BIN3: variants seen among roughly 807,000 people sequenced by gnomAD.
The protein encoded by BIN3 is bridging integrator 3.
In BIN3, 41 loss-of-function variants were observed where a neutral mutation model predicts 38.2. That is an observed-to-expected ratio of 1.07 (90% CI 0.84 to 1.39). The LOEUF is 1.39. Among genes scored for constraint, BIN3 ranks in the 40% most tolerant of loss-of-function variants. The probability of loss-of-function intolerance (pLI) is 0.00; values close to 1 mark genes in which losing one functional copy is unlikely to be tolerated. For missense variants in BIN3, 361 were observed against 324.3 expected (o/e 1.11, Z -0.87); for synonymous variants, 145 against 122.6 (o/e 1.18, Z -1.21).
At chr8:22,626,068 C>T (rs1322484801) in intron 6 of BIN3, 1 of 152,482 alleles carries the variant, frequency 6.6e-6, no homozygotes, top group Non-Finnish European at 1.5e-5. Flanking sequence ...AATCCTCTAC[C>T]TCAACAGTGT....
At chr8:22,631,500 T>C (rs1802201522) in intron 4 of BIN3, among the ~76,000 whole-genome samples, 1 of 152,148 alleles carries the variant, frequency 6.6e-6, no homozygotes, top group Admixed American at 6.5e-5. Context: ...GGAAATGTAG[T>C]TTGGTTCCAT....
At chr8:22,626,160 A>C (rs1801997528) in intron 6 of BIN3, 2 of 152,318 alleles carry the variant, frequency 1.3e-5, no homozygotes, top group African/African-American at 4.8e-5. Context: ...GTGCCCTTAG[A>C]CATAGTAATC....
intron 1 of BIN3, among the ~76,000 whole-genome samples, chr8:22,652,155 G>A (rs183269512): frequency 6.6e-6 from 1 of 151,898 alleles, no homozygotes; most frequent in East Asian, 1.9e-4. Flanking sequence ...TCCCTTTATA[G>A]TTTCAGTTTT....
chr8:22,639,548 C>T (rs569179250), intron 2 of BIN3, among the ~76,000 whole-genome samples: 1 of 152,106 alleles, frequency 6.6e-6, no homozygotes, highest in Non-Finnish European at 1.5e-5. Context: ...AGGTGGCTTA[C>T]GAGGAAATAG....
In BIN3 at chr8:22,641,884, G is replaced by A. The variant is rs117611662; in HGVS notation, c.57+2871C>T. Among the ~76,000 whole-genome samples, 987 of 152,192 alleles carry A rather than the reference G, an allele frequency of 6.5e-3. 7 individuals carry two copies. The highest frequency in any genetic ancestry group is 0.027 in the Middle Eastern group (8 of 294). On this transcript the variant is annotated intron_variant, in intron 2 of 8. Transcript: ENST00000276416. ...GGAAGGTGTGGCGGCTTCTTCCTAC[G>A]CTACGATGCTCCCGCCACTTTATGG...
chr8:22,645,232 C>A (rs1399928778), intron 1 of BIN3, among the ~76,000 whole-genome samples: 4 of 151,706 alleles, frequency 2.6e-5, no homozygotes, highest in African/African-American at 7.3e-5. Context: ...TTTGGGAGGC[C>A]CAGGTGGAGG....
intron 4 of BIN3, among the ~76,000 whole-genome samples, chr8:22,635,647 T>A (rs538161987): frequency 1.3e-5 from 2 of 152,196 alleles, no homozygotes; most frequent in South Asian, 4.2e-4. Context: ...CAACAGCCTG[T>A]GCCACTCGGA....
intron 1 of BIN3, among the ~76,000 whole-genome samples, chr8:22,662,678 T>C (rs1803272295): frequency 1.3e-5 from 2 of 152,206 alleles, no homozygotes; most frequent in Non-Finnish European, 2.9e-5. Flanking sequence ...TTTTCAAACT[T>C]GAGGTCTTTG....
At chr8:22,662,641 T>C (rs1803271130) in intron 1 of BIN3, among the ~76,000 whole-genome samples, 1 of 152,224 alleles carries the variant, frequency 6.6e-6, no homozygotes, top group Non-Finnish European at 1.5e-5. Context: ...CGTCTGAGTA[T>C]TTGTAATGAT....
chr8:22,646,679 G>A (rs1802723274), intron 1 of BIN3, among the ~76,000 whole-genome samples: 1 of 152,204 alleles, frequency 6.6e-6, no homozygotes, highest in African/African-American at 2.4e-5. Flanking sequence ...AATAACCAGG[G>A]AGGAAAGGTA....
At chr8:22,652,904 T>TA (rs1172357529) in intron 1 of BIN3, among the ~76,000 whole-genome samples, 1 of 152,192 alleles carries the variant, frequency 6.6e-6, no homozygotes, top group Non-Finnish European at 1.5e-5. Context: ...ATCATTTTCT[T>TA]AGAGTAAAAA....
intron 1 of BIN3, among the ~76,000 whole-genome samples, chr8:22,668,037 T>C (rs898128203): frequency 2.6e-5 from 4 of 152,236 alleles, no homozygotes; most frequent in African/African-American, 9.6e-5. Flanking sequence ...ATGTTCCCTA[T>C]GTCCATGGGC....
At chr8:22,657,316 A>G (rs913067369) in intron 1 of BIN3, among the ~76,000 whole-genome samples, 1 of 152,250 alleles carries the variant, frequency 6.6e-6, no homozygotes, top group Non-Finnish European at 1.5e-5. Flanking sequence ...AGGTAGTATC[A>G]TTGTCTTTGG....
chr8:22,658,838 C>T (rs1432968823), intron 1 of BIN3, among the ~76,000 whole-genome samples: 1 of 152,138 alleles, frequency 6.6e-6, no homozygotes, highest in Non-Finnish European at 1.5e-5. Flanking sequence ...AAAGAGTAGG[C>T]GGTGGTGGTT....
At chr8:22,666,645 G>C (rs1803431213) in intron 1 of BIN3, among the ~76,000 whole-genome samples, 1 of 152,204 alleles carries the variant, frequency 6.6e-6, no homozygotes, top group Non-Finnish European at 1.5e-5. Flanking sequence ...CTGCACAGAG[G>C]AAGCAGAGAA....
At chr8:22,639,185 T>G (rs1276586834) in intron 2 of BIN3, among the ~76,000 whole-genome samples, 2 of 152,034 alleles carry the variant, frequency 1.3e-5, no homozygotes, top group African/African-American at 2.4e-5. Flanking sequence ...CAGAGACAGG[T>G]AAGATATGAA....
In BIN3 at chr8:22,654,797, G is replaced by A. The variant is rs1406892972; in HGVS notation, c.9-9994C>T. The stretch of plus-strand genomic sequence containing the variant: ...AATGAATGCTGTGACAAACATTTAT[G>A]TTCAAGATTTTGTGTGGATATGTTA... On this transcript the variant is annotated intron_variant, in intron 1 of 8. Transcript: ENST00000276416. Among the ~76,000 whole-genome samples, 8 of 152,256 alleles carry A rather than the reference G, an allele frequency of 5.3e-5. No homozygotes were observed. The East Asian group carries it at 1.4e-3, about 26-fold the overall frequency.
intron 8 of BIN3, 85 bp downstream of exon 8, chr8:22,623,830 C>T: frequency 6.7e-7 from 1 of 1,491,044 alleles, no homozygotes; most frequent in Admixed American, 2.1e-5. Flanking sequence ...CGGAGAATGG[C>T]TAAGCCACCC....
rs574391672 is a variant in BIN3 at position 22,641,883 on chromosome 8, C to G, written c.57+2872G>C. ...AGGAAGGTGTGGCGGCTTCTTCCTA[C>G]GCTACGATGCTCCCGCCACTTTATG... is the stretch of plus-strand genomic sequence containing the variant. On this transcript the variant is annotated intron_variant, in intron 2 of 8. Transcript: ENST00000276416. Among the ~76,000 whole-genome samples, 3 of 152,232 alleles carry G rather than the reference C, an allele frequency of 2.0e-5. No homozygotes were observed. In the South Asian group the frequency reaches 6.2e-4, roughly 32 times the overall value.
Sources: allele counts gnomAD v4.1 joint callset (sites outside exome capture counted in the v4.1 genomes callset), GRCh38; gene constraint gnomAD v4.1.1; transcripts MANE v1.5; gene names NCBI Gene and HGNC (gene_info 2026-07-23, HGNC 2026-07-21).